ST18: variants seen among roughly 807,000 people sequenced by gnomAD.
ST18 encodes ST18 C2H2C-type zinc finger transcription factor, also known as suppression of tumorigenicity 18 protein.
In ST18, 50 loss-of-function variants were observed where a neutral mutation model predicts 110.0. The observed-to-expected ratio is 0.45, with a 90% CI of 0.36 to 0.58. The LOEUF (loss-of-function observed/expected upper bound fraction) is 0.58. ST18 is among the 20% of genes least tolerant of loss of function. The pLI, the probability that ST18 is intolerant of heterozygous loss-of-function variation, is 0.00. For missense variants in ST18, 1,306 were observed against 1,280.1 expected (o/e 1.02, Z -0.31); for synonymous variants, 461 against 452.4 (o/e 1.02, Z -0.24).
At chr8:52,147,786 G>A (rs74558582) in intron 16 of ST18, among the ~76,000 whole-genome samples, 3,392 of 152,288 alleles carry the variant, frequency 0.022, 128 homozygotes, top group African/African-American at 0.078. Flanking sequence ...TAGGTCTGTA[G>A]ATGCAATGTG....
chr8:52,208,165 T>A (rs955479340), intron 8 of ST18, among the ~76,000 whole-genome samples: 1 of 152,216 alleles, frequency 6.6e-6, no homozygotes, highest in Non-Finnish European at 1.5e-5. Flanking sequence ...ATGAAGAATA[T>A]ACAGTATATT....
At chr8:52,371,503 A>C (rs1007119905) in intron 2 of ST18, among the ~76,000 whole-genome samples, 1 of 152,212 alleles carries the variant, frequency 6.6e-6, no homozygotes, top group Non-Finnish European at 1.5e-5. Flanking sequence ...AGACACCAAG[A>C]TATTAGGTGC....
intron 8 of ST18, among the ~76,000 whole-genome samples, chr8:52,196,262 C>T (rs1020496276): frequency 2.0e-5 from 3 of 152,162 alleles, no homozygotes; most frequent in Admixed American, 6.5e-5. Context: ...CATGCCAGCT[C>T]AGTTTTTCCC....
rs979462345 is a variant in ST18, at chr8:52,195,329, T to C, written c.87-15017A>G. Among the ~76,000 whole-genome samples, 4 of 152,194 alleles carry C rather than the reference T, an allele frequency of 2.6e-5. No homozygotes were observed. The South Asian group carries it at 8.3e-4, about 32-fold the overall frequency. On this transcript the variant is annotated intron_variant, in intron 8 of 25. Coordinates refer to ENST00000689386, the MANE Select transcript of ST18 (RefSeq NM_001352837.2). ...TGTTTGCTAGTAAATTTGGCTTCAATAAAGCCCACACTGTTATTTTAATTT... is the reference window on the plus strand; with the variant it reads ...TGTTTGCTAGTAAATTTGGCTTCAACAAAGCCCACACTGTTATTTTAATTT...
At chr8:52,169,208 G>A (rs1218667047) in intron 10 of ST18, among the ~76,000 whole-genome samples, 1 of 152,122 alleles carries the variant, frequency 6.6e-6, no homozygotes, top group Non-Finnish European at 1.5e-5. Flanking sequence ...TGCATGATAA[G>A]AAGCCAGAGC....
chr8:52,250,189 G>A (rs1274653551), intron 2 of ST18, among the ~76,000 whole-genome samples: 1 of 151,944 alleles, frequency 6.6e-6, no homozygotes, highest in Non-Finnish European at 1.5e-5. Context: ...TGTTCAGCTT[G>A]GCTAAAGAGT....
intron 2 of ST18, chr8:52,296,643 C>T (rs747162221): frequency 6.6e-6 from 1 of 152,176 alleles, no homozygotes; most frequent in Non-Finnish European, 1.5e-5. Context: ...TTGATTCTAC[C>T]TTTCCAAGTT....
At position 52,149,819 on chromosome 8, in the gene ST18, T is replaced by C. The variant is rs1456972858; in HGVS notation, c.1965A>G (p.Ala655=). Residue 655 remains alanine (A), a synonymous_variant, in exon 16 of 26, where the codon GCA becomes GCG. Coordinates refer to ENST00000689386, the MANE Select transcript of ST18 (RefSeq NM_001352837.2). ...FKTSSILVNA[A]FYQALCDQEG... is the part of the protein sequence containing the mutation. Reference sequence around the variant, plus strand: ...CTTGGTCACAAAGAGCCTGATAGAATGCTGCATTGACCAGAATGCTGCTTG... The same window carrying C: ...CTTGGTCACAAAGAGCCTGATAGAACGCTGCATTGACCAGAATGCTGCTTG... 3.7e-6 allele frequency: 6 copies of C among 1,614,180 alleles called. No homozygotes were observed. Among genetic ancestry groups the C allele is most frequent in the Non-Finnish European group, 5.1e-6 (6 of 1,180,012 alleles).
chr8:52,134,149 G>A (rs1411588111), intron 19 of ST18, among the ~76,000 whole-genome samples: 1 of 152,174 alleles, frequency 6.6e-6, no homozygotes, highest in East Asian at 1.9e-4. Context: ...GAACATTTAT[G>A]GGATTATCAA....
At chr8:52,263,454 G>GAGGAC (rs1362550393) in intron 2 of ST18, among the ~76,000 whole-genome samples, 1 of 152,144 alleles carries the variant, frequency 6.6e-6, no homozygotes, top group African/African-American at 2.4e-5. Flanking sequence ...AGTGACTGTG[G>GAGGAC]AGGACATCAA....
intron 2 of ST18, among the ~76,000 whole-genome samples, chr8:52,391,361 G>A (rs1032523221): frequency 1.3e-5 from 2 of 152,200 alleles, no homozygotes; most frequent in African/African-American, 4.8e-5. Flanking sequence ...CAGCGAGGGT[G>A]CAGACATTCA....
intron 7 of ST18, among the ~76,000 whole-genome samples, chr8:52,213,235 T>C (rs1315258041): frequency 6.6e-6 from 1 of 152,202 alleles, no homozygotes. Context: ...CATGGTTATA[T>C]TGTAACTGAA....
intron 2 of ST18, chr8:52,405,106 G>A (rs1465143736): frequency 6.6e-6 from 1 of 152,184 alleles, no homozygotes; most frequent in Non-Finnish European, 1.5e-5. Context: ...TTCAGTTATT[G>A]AAACATGATG....
rs2131805953 is a variant in ST18, at chr8:52,137,402, A to G, written c.2231+19T>C. On this transcript the variant is annotated intron_variant, in intron 18 of 25. Coordinates refer to ENST00000689386, the MANE Select transcript of ST18 (RefSeq NM_001352837.2). ...AACAAGACCATGAAAATCTGACTGCACATGAGGTCATTGGGTACCTGCGAT... is the reference window on the plus strand; with the variant it reads ...AACAAGACCATGAAAATCTGACTGCGCATGAGGTCATTGGGTACCTGCGAT... 1.9e-6 allele frequency: 3 copies of G among 1,613,950 alleles called. No homozygotes were observed. The highest frequency in any genetic ancestry group is 3.3e-4 in the Middle Eastern group (2 of 6,062).
chr8:52,129,131 G>A (rs543078416), intron 22 of ST18, among the ~76,000 whole-genome samples: 4 of 152,148 alleles, frequency 2.6e-5, no homozygotes, highest in Non-Finnish European at 5.9e-5. Context: ...CCCCTACTGC[G>A]TGCCAGGCAT....
At chr8:52,394,227 T>C (rs1448656197) in intron 2 of ST18, among the ~76,000 whole-genome samples, 1 of 152,202 alleles carries the variant, frequency 6.6e-6, no homozygotes, top group African/African-American at 2.4e-5. Flanking sequence ...CCCTCAGTAA[T>C]TTCTGCCAAT....
intron 8 of ST18, among the ~76,000 whole-genome samples, chr8:52,191,323 G>A (rs912918422): frequency 6.6e-6 from 1 of 152,182 alleles, no homozygotes; most frequent in Non-Finnish European, 1.5e-5. Flanking sequence ...AGCCCTAGTA[G>A]AGACAAAATC....
At position 52,355,046 on chromosome 8, in the gene ST18, C is replaced by A. The variant is rs569950240; in HGVS notation, c.-465+54282G>T. Among the ~76,000 whole-genome samples the A allele has an allele frequency of 1.2e-4, 18 of 152,316 alleles. No homozygotes were observed. In the South Asian group the frequency reaches 2.1e-3, roughly 18 times the overall value. ...CCTCATAGCTCTAGAGGGAACTCAG[C>A]AGCACAGGGGTATTGGCCCATCCCT... On this transcript the variant is annotated intron_variant, in intron 2 of 25. Transcript: ENST00000689386.
At chr8:52,343,791 C>A (rs1213087479) in intron 2 of ST18, among the ~76,000 whole-genome samples, 1 of 152,152 alleles carries the variant, frequency 6.6e-6, no homozygotes, top group African/African-American at 2.4e-5. Context: ...CAAACCCAGA[C>A]AACACATCCC....
Sources: allele counts gnomAD v4.1 joint callset (sites outside exome capture counted in the v4.1 genomes callset), GRCh38; gene constraint gnomAD v4.1.1; transcripts MANE v1.5; gene names NCBI Gene and HGNC (gene_info 2026-07-23, HGNC 2026-07-21).